MICU1: variants seen among roughly 807,000 people sequenced by gnomAD.
MICU1 encodes calcium uptake protein 1, mitochondrial.
MICU1 carries 45 observed loss-of-function variants against 56.8 expected under a neutral mutation model. The ratio of observed to expected loss-of-function variants is 0.79; its 90% CI spans 0.62 to 1.02. The LOEUF (loss-of-function observed/expected upper bound fraction) is 1.02, where lower values mean the gene tolerates loss of function less well. Among genes scored for constraint, MICU1 ranks in the 50% least tolerant of loss-of-function variants. The pLI, the probability that MICU1 is intolerant of heterozygous loss-of-function variation, is 0.00. For synonymous variants in MICU1, 186 were observed against 195.1 expected, an observed-to-expected ratio of 0.95 and a Z score of 0.39; for missense variants, 504 against 587.1, an observed-to-expected ratio of 0.86 and a Z score of 1.46.
intron 10 of MICU1, among the ~76,000 whole-genome samples, chr10:72,399,436 A>G (rs1863376105): frequency 6.6e-6 from 1 of 152,172 alleles, no homozygotes; most frequent in South Asian, 2.1e-4. Context: ...CGTTGTGCAC[A>G]TGTGCCCTAG....
intron 9 of MICU1, 98 bp downstream of exon 9, chr10:72,423,136 T>A: frequency 6.8e-7 from 1 of 1,468,566 alleles, no homozygotes; most frequent in Non-Finnish European, 9.2e-7. Context: ...TAATCATTGG[T>A]TCATGAAATA....
chr10:72,377,530 C>T (rs1031702898), intron 10 of MICU1, among the ~76,000 whole-genome samples: 6 of 152,096 alleles, frequency 3.9e-5, no homozygotes, highest in East Asian at 1.9e-4. Context: ...AGACATTCAC[C>T]GTCAAACACT....
chr10:72,543,714 G>A (rs570607809), intron 4 of MICU1, among the ~76,000 whole-genome samples: 52 of 152,204 alleles, frequency 3.4e-4, no homozygotes, highest in Non-Finnish European at 6.3e-4. Flanking sequence ...AATTGGCTGG[G>A]CATGGTGGCA....
At chr10:72,433,006 C>T (rs930506491) in intron 8 of MICU1, among the ~76,000 whole-genome samples, 8 of 152,162 alleles carry the variant, frequency 5.3e-5, no homozygotes, top group African/African-American at 1.7e-4. Flanking sequence ...GACACGATCT[C>T]GGCTCACTGC....
chr10:72,441,642 A>G (rs374234706), intron 8 of MICU1, among the ~76,000 whole-genome samples: 10 of 120,266 alleles, frequency 8.3e-5, no homozygotes, highest in African/African-American at 2.6e-4. Context: ...TTTGAGGCAG[A>G]ACCTCACTCT....
At chr10:72,414,062 C>T (rs144198639) in intron 9 of MICU1, among the ~76,000 whole-genome samples, 25 of 152,270 alleles carry the variant, frequency 1.6e-4, no homozygotes, top group African/African-American at 5.3e-4. Context: ...CTTTGGAAAA[C>T]GGTTTAGCAG....
At position 72,555,710 on chromosome 10, in the gene MICU1, A is replaced by G. The variant is rs147998601; in HGVS notation, c.331-4369T>C. ...AGGATTACCTATCTTTTGACCATGGATGGAAGATTAGATGAGATGAGCAAC... is the reference window on the plus strand; with the variant it reads ...AGGATTACCTATCTTTTGACCATGGGTGGAAGATTAGATGAGATGAGCAAC... On this transcript the variant is annotated intron_variant, in intron 3 of 11. Transcript: ENST00000361114. Among the ~76,000 whole-genome samples, 143 of 152,302 alleles carry G rather than the reference A, an allele frequency of 9.4e-4. 3 individuals are homozygous for G. Among genetic ancestry groups the G allele is most frequent in the African/African-American group, 2.9e-3 (119 of 41,564 alleles).
intron 1 of MICU1, among the ~76,000 whole-genome samples, chr10:72,602,406 A>G (rs113667392): frequency 0.042 from 6,354 of 151,948 alleles, 448 homozygotes; most frequent in African/African-American, 0.14. Flanking sequence ...AGACAACATC[A>G]TACCACTGTA....
chr10:72,505,462 T>C (rs1253106702), intron 6 of MICU1, among the ~76,000 whole-genome samples: 2 of 152,172 alleles, frequency 1.3e-5, no homozygotes, highest in Non-Finnish European at 2.9e-5. Flanking sequence ...CATTACTGGA[T>C]ACATACCCAA....
At chr10:72,534,341 A>T (rs1188275626) in intron 4 of MICU1, among the ~76,000 whole-genome samples, 1 of 152,136 alleles carries the variant, frequency 6.6e-6, no homozygotes, top group African/African-American at 2.4e-5. Context: ...AAATTAAGTG[A>T]CTATATTCGG....
chr10:72,465,312 T>TG (rs1865758774), intron 8 of MICU1, among the ~76,000 whole-genome samples: 2 of 140,378 alleles, frequency 1.4e-5, no homozygotes, highest in African/African-American at 3.1e-5. Flanking sequence ...GTTTTTTGTT[T>TG]TTTTTTTTTT....
chr10:72,576,307 C>T (rs527569037), intron 1 of MICU1, among the ~76,000 whole-genome samples: 1 of 148,688 alleles, frequency 6.7e-6, no homozygotes, highest in South Asian at 2.1e-4. Context: ...CAAGATAGGC[C>T]AAAAGTTAGC....
At chr10:72,371,928 T>C (rs997799802) in intron 11 of MICU1, among the ~76,000 whole-genome samples, 1 of 151,738 alleles carries the variant, frequency 6.6e-6, no homozygotes, top group African/African-American at 2.4e-5. Context: ...TGGTGGTGCC[T>C]GCCTGTAGGC....
chr10:72,523,569 T>G (rs1483843477), intron 5 of MICU1, among the ~76,000 whole-genome samples: 1 of 152,174 alleles, frequency 6.6e-6, no homozygotes, highest in African/African-American at 2.4e-5. Flanking sequence ...AAAAATGTAC[T>G]GTAAAAATAA....
At chr10:72,514,219 T>C (rs1348251557) in intron 5 of MICU1, among the ~76,000 whole-genome samples, 4 of 152,194 alleles carry the variant, frequency 2.6e-5, no homozygotes, top group Admixed American at 6.6e-5. Flanking sequence ...ATGTATCTAT[T>C]GAAATTTTCT....
At chr10:72,376,830 T>G (rs982715650) in intron 10 of MICU1, among the ~76,000 whole-genome samples, 1 of 151,908 alleles carries the variant, frequency 6.6e-6, no homozygotes, top group African/African-American at 2.4e-5. Context: ...TTCCACTGAC[T>G]TGTATATTTA....
At chr10:72,446,957 A>G (rs925390378) in intron 8 of MICU1, among the ~76,000 whole-genome samples, 1 of 152,236 alleles carries the variant, frequency 6.6e-6, no homozygotes, top group East Asian at 1.9e-4. Flanking sequence ...ACAACAAAAA[A>G]TAAGATTGAG....
chr10:72,569,231 A>ATTTTTTTTT (rs1156509426), intron 1 of MICU1, among the ~76,000 whole-genome samples: 32 of 39,534 alleles, frequency 8.1e-4, no homozygotes, highest in Non-Finnish European at 1.4e-3. Flanking sequence ...ATATATATAT[A>ATTTTTTTTT]TATATATTTT....
chr10:72,604,802 T>C (rs1183198825), intron 1 of MICU1, among the ~76,000 whole-genome samples: 1 of 152,198 alleles, frequency 6.6e-6, no homozygotes, highest in African/African-American at 2.4e-5. Context: ...AAGTTAAGTG[T>C]ATTACTCTAG....
Sources: gnomAD v4.1 joint callset for allele counts (sites outside exome capture counted in the v4.1 genomes callset) on GRCh38, gnomAD v4.1.1 for gene constraint, MANE v1.5 for transcripts, NCBI Gene and HGNC (gene_info 2026-07-23, HGNC 2026-07-21) for gene names.